Variants in PLCG2 observed in about 807,000 individuals in gnomAD.
The protein encoded by PLCG2 is 1-phosphatidylinositol 4,5-bisphosphate phosphodiesterase gamma-2.
Under a neutral mutation model 175.6 loss-of-function variants are expected in PLCG2, and 69 were observed. The observed-to-expected ratio is 0.39, with a 90% CI of 0.32 to 0.48. PLCG2 has a LOEUF of 0.48. Ranked by LOEUF, PLCG2 falls within the 20% of genes least tolerant of loss-of-function variation. The pLI is 0.91. For missense variants in PLCG2, 1,798 were observed against 1,650.9 expected (o/e 1.09, Z -1.54); for synonymous variants, 827 against 624.0 (o/e 1.33, Z -4.85).
intron 2 of PLCG2, among the ~76,000 whole-genome samples, chr16:81,847,218 G>A (rs1237829395): frequency 6.6e-6 from 1 of 152,192 alleles, no homozygotes; most frequent in Admixed American, 6.5e-5. Flanking sequence ...AAGATGATCA[G>A]CCTGATAGAA....
chr16:81,781,230 T>C (rs139478069), intron 1 of PLCG2, among the ~76,000 whole-genome samples: 89 of 152,336 alleles, frequency 5.8e-4, no homozygotes, highest in African/African-American at 2.0e-3. Flanking sequence ...AAGGGAATTG[T>C]ATTATACTCA....
intron 2 of PLCG2, among the ~76,000 whole-genome samples, chr16:81,826,987 T>G (rs1379359822): frequency 2.0e-5 from 3 of 152,232 alleles, no homozygotes; most frequent in African/African-American, 4.8e-5. Flanking sequence ...CACTTGATCC[T>G]GGACTTGTTT....
chr16:81,898,931 T>A (rs1439446413), intron 13 of PLCG2, among the ~76,000 whole-genome samples: 1 of 150,884 alleles, frequency 6.6e-6, no homozygotes, highest in Non-Finnish European at 1.5e-5. Context: ...ACGCCTGTAA[T>A]CCCAGCACTT....
At chr16:81,783,076 G>C (rs562240359) in intron 1 of PLCG2, 6 of 465,754 alleles carry the variant, frequency 1.3e-5, no homozygotes, top group Admixed American at 1.2e-4. Flanking sequence ...GGCCCTCCCA[G>C]AGTGAGGGCT....
At chr16:81,918,334 C>T (rs1356437980) in intron 19 of PLCG2, among the ~76,000 whole-genome samples, 1 of 152,032 alleles carries the variant, frequency 6.6e-6, no homozygotes, top group Non-Finnish European at 1.5e-5. Context: ...AGTTTCAGGT[C>T]TTATGTTTAA....
In PLCG2 at chr16:81,962,067, G is replaced by T. The variant is rs574825209; in HGVS notation, c.*4069G>T. On this transcript the variant is annotated 3_prime_UTR_variant, in exon 33 of 33. Transcript: ENST00000564138. ...CCCTCCCGAAGCTGCGCGCTCCGTC[G>T]AAGAGGACGACCAACCCCGATAGAG... 3.2e-5 allele frequency: 6 copies of T among 187,106 alleles called. No homozygotes were observed. Among genetic ancestry groups the T allele is most frequent in the East Asian group, 8.7e-5 (1 of 11,488 alleles). 11.6% of individuals were successfully genotyped at this position (187,106 alleles called of 1,614,324 possible). A position where few individuals can be genotyped will look rare whatever the true frequency, so the allele number is the denominator to read the frequency against.
At chr16:81,895,687 C>T (rs969023398) in intron 12 of PLCG2, 120 bp from the exon 13 acceptor site, 63 of 1,107,238 alleles carry the variant, frequency 5.7e-5, no homozygotes, top group Non-Finnish European at 7.7e-5. Context: ...TGTTGGCAGC[C>T]GAATGGAGGG....
At chr16:81,799,571 C>G (rs555040817) in intron 2 of PLCG2, among the ~76,000 whole-genome samples, 4 of 149,746 alleles carry the variant, frequency 2.7e-5, no homozygotes, top group Non-Finnish European at 5.9e-5. Context: ...ATTACAGGTG[C>G]AAGCCACTGA....
At chr16:81,774,373 C>A (rs748286461), upstream of PLCG2, among the ~76,000 whole-genome samples, 59 of 151,846 alleles carry the variant, frequency 3.9e-4, 1 homozygote, top group Non-Finnish European at 4.7e-4. Context: ...ACCATTAAAC[C>A]GGGGGCTCCA....
chr16:81,827,800 C>A (rs56204860), intron 2 of PLCG2, among the ~76,000 whole-genome samples: 13,030 of 151,992 alleles, frequency 0.086, 635 homozygotes, highest in Middle Eastern at 0.14. Flanking sequence ...TAAAAAAAAG[C>A]GTTGACGCCG....
intron 5 of PLCG2, among the ~76,000 whole-genome samples, chr16:81,866,052 C>T (rs1411505941): frequency 9.4e-5 from 12 of 127,868 alleles, no homozygotes; most frequent in African/African-American, 1.9e-4. Context: ...CATGAGAGGA[C>T]GCTGGCCTCT....
rs769107090 is a variant in PLCG2, at chr16:81,895,838, G to A, written c.1104G>A (p.Pro368=). Residue 368 remains proline, a synonymous_variant, in exon 13 of 33, where the codon CCG becomes CCA. Coordinates refer to ENST00000564138, the MANE Select transcript of PLCG2 (RefSeq NM_002661.5). The stretch of plus-strand genomic sequence containing the variant: ...GCTGGGACGGGCCCGATGGGAAGCC[G>A]GTCATCTACCATGGCTGGACGCGGA... ...LDCWDGPDGK[P]VIYHGWTRTT... The A allele has an allele frequency of 7.4e-6, 12 of 1,614,068 alleles. No individual in the cohort carries two copies. The highest frequency in any genetic ancestry group is 1.7e-5 in the Admixed American group (1 of 60,008).
At chr16:81,956,505 C>T (rs1911574919) in intron 31 of PLCG2, among the ~76,000 whole-genome samples, 190 bp from the exon 32 acceptor site, 1 of 152,164 alleles carries the variant, frequency 6.6e-6, no homozygotes, top group Admixed American at 6.5e-5. Context: ...AAACTGCTTG[C>T]TTCCCACACA....
chr16:81,882,741 C>T (rs895828620), intron 8 of PLCG2, among the ~76,000 whole-genome samples: 1 of 151,898 alleles, frequency 6.6e-6, no homozygotes, highest in African/African-American at 2.4e-5. Context: ...CTCACCCCAC[C>T]TCATTCTTGC....
intron 2 of PLCG2, among the ~76,000 whole-genome samples, chr16:81,822,780 A>AAAAAAAAAAT (rs1258934947): frequency 6.6e-6 from 1 of 150,802 alleles, no homozygotes; most frequent in African/African-American, 2.4e-5. Flanking sequence ...AAAAAAAAAA[A>AAAAAAAAAAT]AGAAAAAGGC....
chr16:81,800,984 C>T lies in PLCG2; in HGVS notation c.193+14802C>T, dbSNP rs79481043. On this transcript the variant is annotated intron_variant, in intron 2 of 32. Coordinates refer to ENST00000564138, the MANE Select transcript of PLCG2 (RefSeq NM_002661.5). Reference sequence around the variant, plus strand: ...GCCATGAATCAAGGAATGCAGGTGGCTTGTGCAAGCTGGAAAAGGCAAAGG... The same window carrying T: ...GCCATGAATCAAGGAATGCAGGTGGTTTGTGCAAGCTGGAAAAGGCAAAGG... Among the ~76,000 whole-genome samples, 684 of 152,210 alleles carry T rather than the reference C, an allele frequency of 4.5e-3. 4 individuals are homozygous for T. The highest frequency in any genetic ancestry group is 0.016 in the African/African-American group (654 of 41,522).
rs375200129 is a variant in PLCG2 at position 81,919,595 on chromosome 16, G to C, written c.2166G>C (p.Lys722Asn). 1.9e-6 allele frequency: 3 copies of C among 1,614,056 alleles called. No individual in the cohort carries two copies. Among genetic ancestry groups the C allele is most frequent in the Non-Finnish European group, 2.5e-6 (3 of 1,180,026 alleles). The change falls in exon 20 of 33, where the codon AAG becomes AAC. Residue 722 changes from lysine to asparagine, a missense_variant. Coordinates refer to ENST00000564138, the MANE Select transcript of PLCG2 (RefSeq NM_002661.5). ...SLVELVSYYE[K>N]HSLYRKMRLR... ...TGGAGCTCGTCAGTTACTACGAGAA[G>C]CATTCACTCTACCGAAAGATGAGAC...
At chr16:81,810,920 C>A (rs903201306) in intron 2 of PLCG2, among the ~76,000 whole-genome samples, 1 of 152,168 alleles carries the variant, frequency 6.6e-6, no homozygotes, top group Non-Finnish European at 1.5e-5. Flanking sequence ...TTTTGCTTCC[C>A]TCTCTAAGAG....
intron 22 of PLCG2, among the ~76,000 whole-genome samples, chr16:81,925,362 A>G (rs1448246657): frequency 6.6e-6 from 1 of 152,092 alleles, no homozygotes; most frequent in Non-Finnish European, 1.5e-5. Context: ...GAGTGAAGAG[A>G]ATGTAAAGTG....
Sources: allele counts gnomAD v4.1 joint callset (sites outside exome capture counted in the v4.1 genomes callset), GRCh38; gene constraint gnomAD v4.1.1; transcripts MANE v1.5; gene names NCBI Gene and HGNC (gene_info 2026-07-23, HGNC 2026-07-21).